FSTL5: variants seen among roughly 807,000 people sequenced by gnomAD.
FSTL5 encodes follistatin like 5, also known as follistatin-related protein 5.
FSTL5 carries 62 observed loss-of-function variants against 89.1 expected under a neutral mutation model. That is an observed-to-expected ratio of 0.70 (90% CI 0.57 to 0.86). The LOEUF (loss-of-function observed/expected upper bound fraction) is 0.86. FSTL5 is among the 40% of genes least tolerant of loss of function. FSTL5 has a pLI of 0.00. For synonymous variants in FSTL5, 383 were observed against 346.2 expected (o/e 1.11, Z -1.18); for missense variants, 1,057 against 1,001.6 (o/e 1.06, Z -0.75).
chr4:161,908,145 A>C (rs1270525005), intron 4 of FSTL5, among the ~76,000 whole-genome samples: 2 of 152,058 alleles, frequency 1.3e-5, no homozygotes, highest in South Asian at 2.1e-4. Flanking sequence ...TGGAAAAAAA[A>C]CATATATCAT....
chr4:161,448,813 G>C (rs114631179), intron 15 of FSTL5, among the ~76,000 whole-genome samples: 1 of 152,044 alleles, frequency 6.6e-6, no homozygotes, highest in Admixed American at 6.6e-5. Flanking sequence ...CACTGTTGAG[G>C]ATCCTAAAGG....
At chr4:161,664,436 G>C (rs1207281696) in intron 6 of FSTL5, among the ~76,000 whole-genome samples, 1 of 152,142 alleles carries the variant, frequency 6.6e-6, no homozygotes, top group East Asian at 1.9e-4. Context: ...CTCTAGGGCA[G>C]GGTCAAAATG....
At position 161,551,930 on chromosome 4, in the gene FSTL5, G is replaced by A. The variant is rs1732231591; in HGVS notation, c.1016-9237C>T. On this transcript the variant is annotated intron_variant, in intron 8 of 15. Transcript: ENST00000306100. ...CCATTCAGGACATAGCCATGGGCAA[G>A]GACTTCATGTCTAAAACACCAAAAG... 2.0e-5 allele frequency among the ~76,000 whole-genome samples: 3 copies of A among 151,942 alleles called. 1 individual carries two copies. The highest frequency in any genetic ancestry group is 4.4e-5 in the Non-Finnish European group (3 of 67,978).
At chr4:162,055,279 C>G (rs1392058989) in intron 2 of FSTL5, among the ~76,000 whole-genome samples, 1 of 151,286 alleles carries the variant, frequency 6.6e-6, no homozygotes, top group East Asian at 1.9e-4. Context: ...TACTATAATT[C>G]AAAGAGCAAT....
At chr4:162,090,575 C>A (rs975839255) in intron 2 of FSTL5, among the ~76,000 whole-genome samples, 2 of 152,070 alleles carry the variant, frequency 1.3e-5, no homozygotes, top group African/African-American at 4.8e-5. Flanking sequence ...AATCCCATCA[C>A]TTTTGGAGGT....
intron 11 of FSTL5, among the ~76,000 whole-genome samples, chr4:161,507,420 T>C (rs944365745): frequency 2.0e-5 from 3 of 151,790 alleles, no homozygotes; most frequent in South Asian, 4.1e-4. Flanking sequence ...AAATGTATTA[T>C]ATCTATAATT....
intron 4 of FSTL5, among the ~76,000 whole-genome samples, chr4:161,902,984 T>G (rs191125725): frequency 9.8e-5 from 15 of 152,338 alleles, no homozygotes; most frequent in African/African-American, 3.6e-4. Flanking sequence ...TGCTTTTAGA[T>G]GTTTGAATGG....
At chr4:161,804,951 G>A (rs1367496804) in intron 4 of FSTL5, among the ~76,000 whole-genome samples, 3 of 152,052 alleles carry the variant, frequency 2.0e-5, no homozygotes, top group African/African-American at 7.2e-5. Context: ...GCCAAAGACA[G>A]ATAGGTCATC....
At chr4:161,838,130 C>G (rs1731102283) in intron 4 of FSTL5, among the ~76,000 whole-genome samples, 3 of 151,882 alleles carry the variant, frequency 2.0e-5, no homozygotes, top group Admixed American at 2.0e-4. Context: ...AGCAAAAAAT[C>G]AAAATAAAAC....
intron 4 of FSTL5, among the ~76,000 whole-genome samples, chr4:161,915,338 A>T (rs1384646690): frequency 8.0e-6 from 1 of 124,928 alleles, no homozygotes; most frequent in Non-Finnish European, 1.6e-5. Context: ...CTTCCTCTCC[A>T]TTTGTCTCCT....
At chr4:161,893,707 A>G (rs1353062896) in intron 4 of FSTL5, among the ~76,000 whole-genome samples, 1 of 152,212 alleles carries the variant, frequency 6.6e-6, no homozygotes, top group East Asian at 1.9e-4. Flanking sequence ...AAATAGCTAT[A>G]TAAGGTCTAT....
intron 11 of FSTL5, among the ~76,000 whole-genome samples, chr4:161,504,516 C>A (rs1730410752): frequency 6.6e-6 from 1 of 151,236 alleles, no homozygotes; most frequent in African/African-American, 2.4e-5. Context: ...TGAAGGCAGG[C>A]AAAAGCGCTT....
chr4:161,924,398 T>C (rs1258726335), intron 3 of FSTL5, among the ~76,000 whole-genome samples: 1 of 150,926 alleles, frequency 6.6e-6, no homozygotes, highest in Non-Finnish European at 1.5e-5. Flanking sequence ...TATGTATATC[T>C]AATATATCAG....
intron 15 of FSTL5, among the ~76,000 whole-genome samples, chr4:161,401,268 A>C (rs1313384508): frequency 2.6e-5 from 4 of 152,186 alleles, no homozygotes; most frequent in African/African-American, 9.6e-5. Context: ...TACTTCTTTA[A>C]TTAACACAAT....
At chr4:161,496,843 AAG>A (rs1202669980) in intron 12 of FSTL5, among the ~76,000 whole-genome samples, 6 of 83,716 alleles carry the variant, frequency 7.2e-5, no homozygotes, top group Non-Finnish European at 1.5e-4. Context: ...TAGAGATCAA[AAG>A]AGAGAAATAG....
chr4:161,951,402 C>T (rs1734890785), intron 3 of FSTL5, among the ~76,000 whole-genome samples: 1 of 152,130 alleles, frequency 6.6e-6, no homozygotes. Context: ...GAAATCTCTT[C>T]TCTACTAAAA....
chr4:161,516,828 A>G (rs1474948894), intron 10 of FSTL5, among the ~76,000 whole-genome samples: 9 of 150,872 alleles, frequency 6.0e-5, no homozygotes, highest in African/African-American at 2.2e-4. Flanking sequence ...GTCATCTTCA[A>G]CTCACATTCC....
intron 7 of FSTL5, among the ~76,000 whole-genome samples, chr4:161,593,632 G>T (rs1733909470): frequency 6.6e-6 from 1 of 152,042 alleles, no homozygotes; most frequent in Non-Finnish European, 1.5e-5. Flanking sequence ...CACTCTGGCT[G>T]TCATACAGTT....
At chr4:161,462,179 A>T (rs1444336856) in intron 13 of FSTL5, among the ~76,000 whole-genome samples, 1 of 152,230 alleles carries the variant, frequency 6.6e-6, no homozygotes, top group African/African-American at 2.4e-5. Flanking sequence ...GAGGTCCTCC[A>T]GCCAATAACA....
Sources: allele counts gnomAD v4.1 joint callset (sites outside exome capture counted in the v4.1 genomes callset), GRCh38; gene constraint gnomAD v4.1.1; transcripts MANE v1.5; gene names NCBI Gene and HGNC (gene_info 2026-07-23, HGNC 2026-07-21).